Variants in UGGT1 observed in about 807,000 individuals in gnomAD.
UGGT1 encodes UDP-glucose glycoprotein glucosyltransferase 1, also known as UDP-glucose:glycoprotein glucosyltransferase 1.
A neutral mutation model predicts 203.9 loss-of-function variants in UGGT1; 107 were observed. The observed-to-expected ratio is 0.52, with a 90% CI of 0.45 to 0.62. The LOEUF is 0.62. Among genes scored for constraint, UGGT1 ranks in the 20% least tolerant of loss-of-function variants. UGGT1 has a pLI of 0.00. For missense variants in UGGT1, 1,673 were observed against 1,867.2 expected, an observed-to-expected ratio of 0.90 and a Z score of 1.92; for synonymous variants, 628 against 653.5, an observed-to-expected ratio of 0.96 and a Z score of 0.59.
Position 128,172,642 on chromosome 2 carries a change from C to T in UGGT1, c.3174C>T (p.Ile1058=), listed in dbSNP as rs150916339. The T allele has an allele frequency of 6.8e-6, 11 of 1,613,970 alleles. No homozygotes were observed. Among genetic ancestry groups the T allele is most frequent in the Middle Eastern group, 1.6e-4 (1 of 6,084 alleles). The change falls in exon 29 of 41, where the codon ATC becomes ATT. Residue 1058 remains isoleucine (I), a synonymous_variant. Transcript: ENST00000259253. ...TSDNSFAKGP[I]AKFLDMPQSP... Reference sequence around the variant, plus strand: ...ACAATAGTTTTGCTAAGGGTCCAATCGCAAAATTTTTGGATATGCCTCAGT... The same window carrying T: ...ACAATAGTTTTGCTAAGGGTCCAATTGCAAAATTTTTGGATATGCCTCAGT...
In UGGT1 at chr2:128,091,310, G is replaced by A. The variant is rs149017250; in HGVS notation, c.-48G>A. 0.016 allele frequency: 24,527 copies of A among 1,521,162 alleles called. 239 individuals are homozygous for A. The highest frequency in any genetic ancestry group is 0.018 in the Non-Finnish European group (20,692 of 1,132,184). The allele number at this position is 1,521,162 out of a possible 1,614,324, so 94.2% of individuals were successfully genotyped here. On this transcript the variant is annotated 5_prime_UTR_variant, in exon 1 of 41. Coordinates refer to ENST00000259253, the MANE Select transcript of UGGT1 (RefSeq NM_020120.4). ...TGCCGCTGCCGCCTCGCCCCGCCCT[G>A]CCCTGGCGTTGTCTCTGGCACTGTG...
chr2:128,173,467 C>T (rs985554736), intron 29 of UGGT1, among the ~76,000 whole-genome samples: 2 of 151,646 alleles, frequency 1.3e-5, no homozygotes, highest in African/African-American at 2.4e-5. Flanking sequence ...TTTTTTTCTC[C>T]TTTCTCTTTC....
At chr2:128,176,711 A>G in intron 31 of UGGT1, 103 bp from the exon 32 acceptor site, 1 of 1,109,272 alleles carries the variant, frequency 9.0e-7, no homozygotes, top group Non-Finnish European at 1.3e-6. Flanking sequence ...CTGGATCTGG[A>G]AAACTCCTTT....
chr2:128,137,812 A>G (rs962666693), intron 15 of UGGT1, among the ~76,000 whole-genome samples: 1 of 152,238 alleles, frequency 6.6e-6, no homozygotes, highest in Non-Finnish European at 1.5e-5. Context: ...TTCTTTGTCC[A>G]TTGAAATGCC....
chr2:128,110,264 G>A (rs552545153), intron 5 of UGGT1, among the ~76,000 whole-genome samples: 57 of 152,248 alleles, frequency 3.7e-4, no homozygotes, highest in African/African-American at 1.3e-3. Context: ...TCATTTTGCT[G>A]ACTGGCTAGG....
At chr2:128,174,054 G>A (rs907819845) in intron 30 of UGGT1, 115 bp downstream of exon 30, 1 of 1,244,474 alleles carries the variant, frequency 8.0e-7, no homozygotes, top group East Asian at 2.5e-5. Flanking sequence ...ATTCATTATG[G>A]GCTGAATTTG....
intron 1 of UGGT1, among the ~76,000 whole-genome samples, chr2:128,093,636 A>T (rs1401134792): frequency 1.3e-5 from 2 of 152,186 alleles, no homozygotes; most frequent in Non-Finnish European, 1.5e-5. Context: ...TCTCACAAGC[A>T]CTTTTCTCAG....
intron 19 of UGGT1, among the ~76,000 whole-genome samples, chr2:128,153,479 T>C (rs1024567887): frequency 6.6e-6 from 1 of 152,046 alleles, no homozygotes; most frequent in African/African-American, 2.4e-5. Context: ...CCCCAAAAAT[T>C]CCCCAGAATT....
chr2:128,135,818 CA>C (rs1376036777), intron 15 of UGGT1, among the ~76,000 whole-genome samples: 1 of 152,146 alleles, frequency 6.6e-6, no homozygotes, highest in Admixed American at 6.5e-5. Context: ...AGTTGGATTT[CA>C]AATAGGCTTT....
intron 35 of UGGT1, 30 bp downstream of exon 35, chr2:128,179,900 C>T (rs746308336): frequency 3.6e-5 from 56 of 1,572,028 alleles, no homozygotes; most frequent in Non-Finnish European, 7.0e-6. Flanking sequence ...GGAAAACATT[C>T]TTATTAAGGA....
At chr2:128,146,588 A>G (rs184164914) in intron 18 of UGGT1, among the ~76,000 whole-genome samples, 18 of 152,144 alleles carry the variant, frequency 1.2e-4, no homozygotes, top group Non-Finnish European at 2.4e-4. Flanking sequence ...AGTTCTTGAG[A>G]TATAATTCAG....
At position 128,159,667 on chromosome 2, in the gene UGGT1, G is replaced by C. The variant is rs199903025; in HGVS notation, c.2509G>C (p.Gly837Arg). 2.5e-6 allele frequency: 4 copies of C among 1,614,092 alleles called. No individual in the cohort carries two copies. The East Asian group carries it at 8.9e-5, about 36-fold the overall frequency. ...KNFITKMAKE[G>R]AAEALAAGAD... The stretch of plus-strand genomic sequence containing the variant: ...CTTCATCACCAAAATGGCCAAGGAG[G>C]GGGCTGCAGAGGCCCTGGCTGCAGG... The change falls in exon 23 of 41, where the codon GGG (glycine) becomes CGG (arginine). Residue 837 changes from glycine to arginine, a missense_variant. By Grantham distance (125) the Gly-to-Arg change is moderately radical. Around this residue, in one of 4 missense-constraint regions of UGGT1, gnomAD observed 1,073 missense variants for 1,078.7 expected, o/e 0.99. Coordinates refer to ENST00000259253, the MANE Select transcript of UGGT1 (RefSeq NM_020120.4).
At chr2:128,109,557 C>T (rs1327832074) in intron 4 of UGGT1, 77 bp from the exon 5 acceptor site, 1 of 1,154,042 alleles carries the variant, frequency 8.7e-7, no homozygotes, top group Admixed American at 1.7e-5. Flanking sequence ...AATTTAATCA[C>T]CTATTTTGAT....
At position 128,155,331 on chromosome 2, in the gene UGGT1, G is replaced by A. The variant is rs74710437; in HGVS notation, c.2138-158G>A. ...TGATGTGTGACTTCAGTAGGGATAG[G>A]GGCCATGTTGTGAAGTTGTTCAGTA... On this transcript the variant is annotated intron_variant, in intron 19 of 40. Coordinates refer to ENST00000259253, the MANE Select transcript of UGGT1 (RefSeq NM_020120.4). 2.4e-3 allele frequency among the ~76,000 whole-genome samples: 367 copies of A among 152,264 alleles called. 1 individual carries two copies. The highest frequency in any genetic ancestry group is 8.4e-3 in the African/African-American group (350 of 41,544).
intron 17 of UGGT1, among the ~76,000 whole-genome samples, chr2:128,144,232 T>A (rs1348867144): frequency 6.6e-6 from 1 of 152,204 alleles, no homozygotes. Context: ...AAAATTAATG[T>A]TTGTTAATTA....
chr2:128,182,005 T>G, intron 36 of UGGT1, 125 bp from the exon 37 acceptor site: 1 of 843,828 alleles, frequency 1.2e-6, no homozygotes, highest in Non-Finnish European at 1.9e-6. Flanking sequence ...CTGCCCCTAG[T>G]GCCTGTGCCA....
chr2:128,177,609 A>G (rs571135811), intron 32 of UGGT1, among the ~76,000 whole-genome samples: 1 of 152,336 alleles, frequency 6.6e-6, no homozygotes, highest in Admixed American at 6.5e-5. Context: ...GGTTCATCTA[A>G]TTAAAAGAGG....
chr2:128,142,219 A>G (rs560137025), intron 16 of UGGT1, among the ~76,000 whole-genome samples: 7 of 150,492 alleles, frequency 4.7e-5, no homozygotes, highest in Admixed American at 3.3e-4. Flanking sequence ...TACAGGTGTG[A>G]GCCACCATGC....
Position 128,129,139 on chromosome 2 carries a change from AG to A in UGGT1, c.1339del (p.Ala447GlnfsTer5). On this transcript the variant is annotated frameshift_variant, in exon 13 of 41. Transcript: ENST00000259253. LOFTEE classifies it high-confidence loss of function. Reference sequence around the variant, plus strand: ...TTGAAGCTGAACATCCAGCCCTCTGAGGCAGACTATGCCGTAGACATCCGGA... The same window carrying A: ...TTGAAGCTGAACATCCAGCCCTCTGAGCAGACTATGCCGTAGACATCCGGA... ...NVLKLNIQPS[E>X]ADYAVDIRSP... The A allele has an allele frequency of 6.2e-7, 1 of 1,613,992 alleles. No individual in the cohort carries two copies. The highest frequency in any genetic ancestry group is 1.1e-5 in the South Asian group (1 of 91,044).
Sources: gnomAD v4.1 joint callset for allele counts (sites outside exome capture counted in the v4.1 genomes callset) on GRCh38, gnomAD v4.1.1 for gene constraint, gnomAD v4.1.1 regional missense constraint, MANE v1.5 for transcripts, NCBI Gene and HGNC (gene_info 2026-07-23, HGNC 2026-07-21) for gene names.